The following CLK1 variants were observed in gnomAD, a reference collection of about 807,000 sequenced individuals.
CLK1 encodes dual specificity protein kinase CLK1.
Under a neutral mutation model 60.9 loss-of-function variants are expected in CLK1, and 40 were observed. The ratio of observed to expected loss-of-function variants is 0.66; its 90% confidence interval spans 0.51 to 0.86. CLK1 has a LOEUF of 0.86. Among genes scored for constraint, CLK1 ranks in the 40% least tolerant of loss-of-function variants. CLK1 has a pLI of 0.00. For synonymous variants in CLK1, 203 were observed against 184.4 expected, an observed-to-expected ratio of 1.10 and a Z score of -0.82; for missense variants, 563 against 606.1, an observed-to-expected ratio of 0.93 and a Z score of 0.75.
chr2:200,860,205 C>G lies in CLK1; in HGVS notation c.401G>C (p.Arg134Pro). ...SHRRSHGKSHRRKRTRSVEDD... is the reference protein window; with the variant it reads ...SHRRSHGKSHPRKRTRSVEDD... ...CTCTACACTCCTGGTTCTTTTCCTT[C>G]GGTGACTCTTCTGGAAACGTCAAGT... The change falls in exon 4 of 13, where the codon CGA becomes CCA. Residue 134 changes from arginine to proline, a missense_variant. By Grantham distance (103) the Arg-to-Pro change is moderately radical (BLOSUM62 -2). This residue lies in a region of CLK1 where 198 missense variants were observed against 179.2 expected (regional missense o/e 1.10). Transcript: ENST00000321356. 1 of 1,614,058 alleles carries G rather than the reference C, an allele frequency of 6.2e-7. No homozygotes were observed. The highest frequency in any genetic ancestry group is 8.5e-7 in the Non-Finnish European group (1 of 1,179,996).
intron 9 of CLK1, 64 bp from the exon 10 acceptor site, chr2:200,855,150 T>A: frequency 7.9e-7 from 1 of 1,270,658 alleles, no homozygotes; most frequent in South Asian, 1.3e-5. Context: ...AATTAAAAAG[T>A]TAGTTAACAC....
At chr2:200,861,109 A>G (rs2039130520) in intron 3 of CLK1, 129 bp downstream of exon 3, 1 of 1,474,152 alleles carries the variant, frequency 6.8e-7, no homozygotes, top group South Asian at 1.4e-5. Flanking sequence ...AAACACAGAA[A>G]AAATCCTGCA....
In CLK1 at chr2:200,853,981, A is replaced by G; in HGVS notation, c.1233T>C (p.Tyr411=). Residue 411 remains tyrosine, a synonymous_variant, in exon 12 of 13, where the codon TAT becomes TAC. Transcript: ENST00000321356. ...CCCAGTCTAATCGATCGTGGTGAAA[A>G]TATTTACGTTTCCTAAAAATAAGTC... is the stretch of plus-strand genomic sequence containing the variant. ...HMIQKTRKRK[Y]FHHDRLDWDE... The G allele has an allele frequency of 6.2e-7, 1 of 1,609,430 alleles. No homozygotes were observed. The highest frequency in any genetic ancestry group is 8.5e-7 in the Non-Finnish European group (1 of 1,177,848).
chr2:200,854,131 C>T (rs1291124893), intron 11 of CLK1, 138 bp from the exon 12 acceptor site: 9 of 560,952 alleles, frequency 1.6e-5, no homozygotes, highest in Non-Finnish European at 2.8e-5. Flanking sequence ...ATGTTACCTG[C>T]TTTGCACCAA....
In CLK1 at chr2:200,856,958, G is replaced by C. The variant is rs1424563564; in HGVS notation, c.860C>G (p.Thr287Arg). The change falls in exon 8 of 13, where the codon ACA becomes AGA. Residue 287 changes from threonine to arginine, a missense_variant. By Grantham distance (71) the Thr-to-Arg change is moderately conservative (BLOSUM62 -1). Around this residue, in one of 3 missense-constraint regions of CLK1, gnomAD observed 360 missense variants for 407.0 expected, o/e 0.88. Transcript: ENST00000321356. ...NFLHSNKLTHTDLKPENILFV... is the reference protein window; with the variant it reads ...NFLHSNKLTHRDLKPENILFV... ...TAAGATGTTTTCAGGCTTTAAGTCT[G>C]TGTGAGTCAACTTATTACTGTGCAA... 1 of 1,614,006 alleles carries C rather than the reference G, an allele frequency of 6.2e-7. No individual in the cohort carries two copies. Among genetic ancestry groups the C allele is most frequent in the Non-Finnish European group, 8.5e-7 (1 of 1,179,950 alleles).
intron 7 of CLK1, 161 bp from the exon 8 acceptor site, chr2:200,857,146 A>C: frequency 1.6e-6 from 1 of 609,286 alleles, no homozygotes; most frequent in African/African-American, 1.8e-5. Context: ...TCTCTACCAA[A>C]ATTACAAAAA....
In CLK1 at chr2:200,854,465, G is replaced by C. The variant is rs545153041; in HGVS notation, c.1220+151C>G. 4.6e-3 allele frequency: 2,483 copies of C among 544,684 alleles called. 12 individuals are homozygous for C. Among genetic ancestry groups the C allele is most frequent in the Non-Finnish European group, 6.2e-3 (1,918 of 307,710 alleles). 33.7% of individuals were successfully genotyped at this position (544,684 alleles called of 1,614,324 possible). Reference sequence around the variant, plus strand: ...ACAGGAAAATGGCGTGAACCCAGGAGGGAGAGCTTGCATTGAGCCGAGGTC... The same window carrying C: ...ACAGGAAAATGGCGTGAACCCAGGACGGAGAGCTTGCATTGAGCCGAGGTC... On this transcript the variant is annotated intron_variant, in intron 11 of 12. Coordinates refer to ENST00000321356, the MANE Select transcript of CLK1 (RefSeq NM_004071.4).
At chr2:200,861,913 G>C (rs760251623) in intron 1 of CLK1, 51 bp from the exon 2 acceptor site, 8 of 1,537,810 alleles carry the variant, frequency 5.2e-6, no homozygotes, top group Admixed American at 3.7e-5. Context: ...ACACTGAGCT[G>C]TTTAAAATTC....
At chr2:200,853,482 T>G in intron 12 of CLK1, 33 bp from the exon 13 acceptor site, 7 of 1,582,198 alleles carry the variant, frequency 4.4e-6, no homozygotes, top group Non-Finnish European at 6.0e-6. Context: ...TTCAACAGCC[T>G]TTTCCACTAC....
rs754067577 is a variant in CLK1 at position 200,856,956 on chromosome 2, C to A, written c.862G>T (p.Asp288Tyr). The change falls in exon 8 of 13, where the codon GAC becomes TAC. Residue 288 changes from aspartate (D) to tyrosine (Y), a missense_variant. Around this residue, in one of 3 missense-constraint regions of CLK1, gnomAD observed 360 missense variants for 407.0 expected, o/e 0.88. Transcript: ENST00000321356. ...FLHSNKLTHT[D>Y]LKPENILFVQ... is the part of the protein sequence containing the mutation. The stretch of plus-strand genomic sequence containing the variant: ...AATAAGATGTTTTCAGGCTTTAAGT[C>A]TGTGTGAGTCAACTTATTACTGTGC... The A allele has an allele frequency of 6.2e-7, 1 of 1,614,032 alleles. No individual in the cohort carries two copies. Among genetic ancestry groups the A allele is most frequent in the Non-Finnish European group, 8.5e-7 (1 of 1,179,992 alleles).
chr2:200,853,193 T>G lies in CLK1; in HGVS notation c.*113A>C. On this transcript the variant is annotated 3_prime_UTR_variant, in exon 13 of 13. Coordinates refer to ENST00000321356, the MANE Select transcript of CLK1 (RefSeq NM_004071.4). ...CCAAATTACCCAAACAAAATAAACA[T>G]GGCAATATAAAAATGTTAAGAATTT... 1.3e-6 allele frequency: 1 copy of G among 762,760 alleles called. No individual in the cohort carries two copies. The highest frequency in any genetic ancestry group is 2.0e-6 in the Non-Finnish European group (1 of 499,638). 47.2% of individuals were successfully genotyped at this position (762,760 alleles called of 1,614,324 possible).
Position 200,860,971 on chromosome 2 carries a change from T to C in CLK1, c.390+267A>G, listed in dbSNP as rs974667583. 4 of 1,219,758 alleles carry C rather than the reference T, an allele frequency of 3.3e-6. No homozygotes were observed. In the African/African-American group the frequency reaches 4.7e-5, roughly 14 times the overall value. The allele number at this position is 1,219,758 out of a possible 1,614,324, so 75.6% of individuals were successfully genotyped here. The stretch of plus-strand genomic sequence containing the variant: ...CCCTTTTAGAATATTTTGTAATAAT[T>C]TTCAACTAATCTAAATTAAATCAAT... On this transcript the variant is annotated intron_variant, in intron 3 of 12. Coordinates refer to ENST00000321356, the MANE Select transcript of CLK1 (RefSeq NM_004071.4).
At chr2:200,857,211 C>A in intron 7 of CLK1, 3 of 501,852 alleles carry the variant, frequency 6.0e-6, no homozygotes, top group Non-Finnish European at 7.2e-6. Context: ...GAGGCTGAGG[C>A]AGGAGAATCA....
At chr2:200,861,904 C>T in intron 1 of CLK1, 42 bp from the exon 2 acceptor site, 1 of 1,573,158 alleles carries the variant, frequency 6.4e-7, no homozygotes, top group Non-Finnish European at 8.7e-7. Flanking sequence ...TTGTACCCCA[C>T]ACTGAGCTGT....
In CLK1 at chr2:200,862,934, T is replaced by A. The variant is rs185449887; in HGVS notation, c.1-1072A>T. Among the ~76,000 whole-genome samples the A allele has an allele frequency of 5.9e-3, 887 of 151,240 alleles. 11 individuals are homozygous for A. Among genetic ancestry groups the A allele is most frequent in the African/African-American group, 0.02 (844 of 41,428 alleles). On this transcript the variant is annotated intron_variant, in intron 1 of 12. Transcript: ENST00000321356. ...CAAAACACCATCTTTCCAGTACCAC[T>A]CCCAAGCACATACAACATAATTTAT...
At position 200,858,032 on chromosome 2, in the gene CLK1, A is replaced by G; in HGVS notation, c.606T>C (p.Ala202=). 6.2e-7 allele frequency: 1 copy of G among 1,614,130 alleles called. No homozygotes were observed. Among genetic ancestry groups the G allele is most frequent in the South Asian group, 1.1e-5 (1 of 91,082 alleles). The part of the protein sequence containing the change: ...IVKNVDRYCE[A]ARSEIQVLEH... The stretch of plus-strand genomic sequence containing the variant: ...CCAGAACTTGTATTTCTGAGCGAGC[A>G]GCTTCACAGTATCTATCCACATTTT... Residue 202 remains alanine, a synonymous_variant, in exon 6 of 13, where the codon GCT becomes GCC. Coordinates refer to ENST00000321356, the MANE Select transcript of CLK1 (RefSeq NM_004071.4).
rs563370189 is a variant in CLK1, at chr2:200,854,631, A to G, written c.1205T>C (p.Met402Thr). ...TAAAACGTACCTGGTTTTCTGTATC[A>G]TATGTTTTGGTAGAGGTCCAAGAAT... ...ERILGPLPKHMIQKTRKRKYF... is the reference protein window; with the variant it reads ...ERILGPLPKHTIQKTRKRKYF... The change falls in exon 11 of 13, where the codon ATG (methionine) becomes ACG (threonine). Residue 402 changes from methionine (M) to threonine (T), a missense_variant. By Grantham distance (81) the Met-to-Thr change is moderately conservative. Around this residue, in one of 3 missense-constraint regions of CLK1, gnomAD observed 360 missense variants for 407.0 expected, o/e 0.88. Coordinates refer to ENST00000321356, the MANE Select transcript of CLK1 (RefSeq NM_004071.4). The G allele has an allele frequency of 4.4e-6, 7 of 1,596,518 alleles. No homozygotes were observed. The highest frequency in any genetic ancestry group is 4.5e-5 in the East Asian group (2 of 44,788).
chr2:200,860,077 AGATT>A (rs781366023), intron 4 of CLK1, 44 bp downstream of exon 4: 23 of 1,600,066 alleles, frequency 1.4e-5, no homozygotes, highest in Non-Finnish European at 1.4e-5. Flanking sequence ...ATCTATATAT[AGATT>A]ATGTTATCTG....
intron 4 of CLK1, 31 bp from the exon 5 acceptor site, chr2:200,859,777 C>T: frequency 6.2e-7 from 1 of 1,609,748 alleles, no homozygotes; most frequent in Non-Finnish European, 8.5e-7. Flanking sequence ...TCAGTCATAT[C>T]AAGAAGTGGA....
Sources: allele counts gnomAD v4.1 joint callset (sites outside exome capture counted in the v4.1 genomes callset), GRCh38; gene constraint gnomAD v4.1.1; regional missense constraint gnomAD v4.1.1; transcripts MANE v1.5; gene names NCBI Gene and HGNC (gene_info 2026-07-23, HGNC 2026-07-21).